The following CTSC variants were observed in gnomAD, a reference collection of about 807,000 sequenced individuals.
CTSC encodes the protein dipeptidyl peptidase 1.
Under a neutral mutation model 40.9 loss-of-function variants are expected in CTSC, and 37 were observed. The ratio of observed to expected loss-of-function variants is 0.91; its 90% CI spans 0.70 to 1.19. The LOEUF is 1.19. Ranked by LOEUF, CTSC falls within the 50% of genes most tolerant of loss-of-function variation. The pLI is 0.00. For synonymous variants in CTSC, 232 were observed against 207.4 expected (o/e 1.12, Z -1.02); for missense variants, 594 against 567.3 (o/e 1.05, Z -0.48).
At position 88,317,512 on chromosome 11, in the gene CTSC, GACA is replaced by G. The variant is rs939010826; in HGVS notation, c.319-4961_319-4959del. 9.9e-5 allele frequency among the ~76,000 whole-genome samples: 15 copies of G among 152,210 alleles called. No individual in the cohort carries two copies. The South Asian group carries it at 1.0e-3, about 11-fold the overall frequency. On this transcript the variant is annotated intron_variant, in intron 2 of 6. Transcript: ENST00000227266. ...ACAGAGCTGCAATGCCACTCTGCACGACAACAACTTAGTAAAAGAGAGGCATTT... is the reference window on the plus strand; with the variant it reads ...ACAGAGCTGCAATGCCACTCTGCACGACAACTTAGTAAAAGAGAGGCATTT...
intron 2 of CTSC, among the ~76,000 whole-genome samples, chr11:88,316,500 T>TAAATAAATAAAA (rs879568972): frequency 0.038 from 5,697 of 151,826 alleles, 143 homozygotes; most frequent in Middle Eastern, 0.11. Context: ...AATAAATAAA[T>TAAATAAATAAAA]AAATGAAGCA....
intron 2 of CTSC, chr11:88,325,541 G>A (rs1938157526): frequency 2.0e-6 from 2 of 985,258 alleles, no homozygotes; most frequent in Non-Finnish European, 2.4e-6. Context: ...TGAAAGACAA[G>A]TTCTAGCATT....
At chr11:88,312,608 G>A in intron 2 of CTSC, 54 bp from the exon 3 acceptor site, 4 of 1,601,794 alleles carry the variant, frequency 2.5e-6, no homozygotes, top group Non-Finnish European at 3.4e-6. Context: ...TCAAATTTCA[G>A]GTCCATTTCC....
chr11:88,300,415 T>TA (rs1944345878), intron 5 of CTSC, 115 bp downstream of exon 5: 1 of 702,186 alleles, frequency 1.4e-6, no homozygotes, highest in African/African-American at 1.8e-5. Flanking sequence ...TCTATTTCTG[T>TA]AAAAAGGGGA....
chr11:88,319,452 AAT>A (rs1006512583), intron 2 of CTSC, among the ~76,000 whole-genome samples: 17 of 152,250 alleles, frequency 1.1e-4, no homozygotes, highest in Non-Finnish European at 2.1e-4. Flanking sequence ...TTTTAACAAA[AAT>A]GTGTCAAAAT....
At chr11:88,309,814 G>GCA (rs71470765) in intron 3 of CTSC, among the ~76,000 whole-genome samples, 2,829 of 118,968 alleles carry the variant, frequency 0.024, 35 homozygotes, top group Non-Finnish European at 0.031. Context: ...ATGTATGCGC[G>GCA]CACACACACA....
intron 2 of CTSC, among the ~76,000 whole-genome samples, chr11:88,318,901 A>C (rs1937934531): frequency 6.6e-6 from 1 of 152,120 alleles, no homozygotes; most frequent in Non-Finnish European, 1.5e-5. Flanking sequence ...AGAGGGAAAC[A>C]CCGGCTCAAA....
At chr11:88,332,007 G>C (rs1218250780) in intron 2 of CTSC, among the ~76,000 whole-genome samples, 1 of 152,126 alleles carries the variant, frequency 6.6e-6, no homozygotes, top group Non-Finnish European at 1.5e-5. Flanking sequence ...CGAGCAGCAA[G>C]AACAATAAGA....
rs187614797 is a variant in CTSC, at chr11:88,318,014, T to C, written c.319-5460A>G. ...ATTTTATCAGCTATCCAATTAGATA[T>C]ACCTAGTCATAGGGAAATTTTGGAA... On this transcript the variant is annotated intron_variant, in intron 2 of 6. Transcript: ENST00000227266. Among the ~76,000 whole-genome samples the C allele has an allele frequency of 2.1e-3, 316 of 152,354 alleles. 1 individual carries two copies. The highest frequency in any genetic ancestry group is 7.3e-3 in the African/African-American group (305 of 41,576).
chr11:88,327,972 C>T (rs1291811165), intron 2 of CTSC: 3 of 703,100 alleles, frequency 4.3e-6, no homozygotes, highest in South Asian at 1.5e-5. Context: ...CAAGCAGGCT[C>T]AAGCAAGAAA....
At chr11:88,325,456 T>C in intron 2 of CTSC, 1 of 985,444 alleles carries the variant, frequency 1.0e-6, no homozygotes, top group Non-Finnish European at 1.2e-6. Context: ...GAAATCCAAA[T>C]ATGCCTCTAA....
intron 5 of CTSC, among the ~76,000 whole-genome samples, chr11:88,300,023 G>A (rs1944341060): frequency 6.6e-6 from 1 of 152,036 alleles, no homozygotes; most frequent in African/African-American, 2.4e-5. Flanking sequence ...ATCACATATC[G>A]TATTCTAATG....
intron 4 of CTSC, among the ~76,000 whole-genome samples, chr11:88,304,296 G>A (rs547776612): frequency 5.6e-4 from 86 of 152,242 alleles, no homozygotes; most frequent in African/African-American, 2.0e-3. Context: ...TTAGAACAGT[G>A]TTTTTCTCTG....
chr11:88,326,323 G>C (rs1373248762), intron 2 of CTSC: 2 of 1,613,602 alleles, frequency 1.2e-6, no homozygotes, highest in Non-Finnish European at 1.7e-6. Flanking sequence ...AGCTGCTAGA[G>C]GCCTTTGCTA....
In CTSC at chr11:88,296,231, A is replaced by G; in HGVS notation, c.791T>C (p.Met264Thr). The change falls in exon 6 of 7, where the codon ATG (methionine) becomes ACG (threonine). Residue 264 changes from methionine to threonine, a missense_variant. Physicochemically the swap from Met to Thr is moderately conservative, Grantham distance 81. Transcript: ENST00000227266. The stretch of plus-strand genomic sequence containing the variant: ...ACGGATTCTCGCTTCTAGCATACCC[A>G]TAGAAGCAAATGAGTAGCAGCTGCC... ...SCGSCYSFASMGMLEARIRIL... is the reference protein window; with the variant it reads ...SCGSCYSFASTGMLEARIRIL... The G allele has an allele frequency of 6.2e-7, 1 of 1,614,002 alleles. No homozygotes were observed. The highest frequency in any genetic ancestry group is 8.5e-7 in the Non-Finnish European group (1 of 1,179,896).
chr11:88,300,158 C>G (rs961008634), intron 5 of CTSC, among the ~76,000 whole-genome samples: 9 of 152,234 alleles, frequency 5.9e-5, no homozygotes, highest in African/African-American at 2.2e-4. Flanking sequence ...AATACAGGAA[C>G]AGGTATCAAA....
chr11:88,296,037 G>T, intron 6 of CTSC, 96 bp downstream of exon 6: 1 of 1,286,622 alleles, frequency 7.8e-7, no homozygotes, highest in East Asian at 2.3e-5. Flanking sequence ...TAGACACTGC[G>T]CTCTCTCTAC....
At chr11:88,296,520 A>G (rs191246030) in intron 5 of CTSC, 12 of 409,446 alleles carry the variant, frequency 2.9e-5, no homozygotes, top group African/African-American at 1.8e-4. Context: ...AAACTAAAAA[A>G]ACCCCTCATA....
intron 4 of CTSC, among the ~76,000 whole-genome samples, chr11:88,301,764 G>A (rs573943056): frequency 1.3e-5 from 2 of 151,440 alleles, no homozygotes; most frequent in Admixed American, 6.6e-5. Flanking sequence ...CTGTATTAGC[G>A]ATTTCACACA....
Sources: gnomAD v4.1 joint callset for allele counts (sites outside exome capture counted in the v4.1 genomes callset) on GRCh38, gnomAD v4.1.1 for gene constraint, MANE v1.5 for transcripts, NCBI Gene and HGNC (gene_info 2026-07-23, HGNC 2026-07-21) for gene names.